The following PHEX variants were observed in gnomAD, a reference collection of about 807,000 sequenced individuals.
PHEX encodes the protein phosphate-regulating neutral endopeptidase PHEX.
A neutral mutation model predicts 68.0 loss-of-function variants in PHEX; 16 were observed. That is an observed-to-expected ratio of 0.24 (90% CI 0.16 to 0.36). PHEX has a LOEUF of 0.36. Ranked by LOEUF, PHEX falls within the 10% of genes least tolerant of loss-of-function variation. The pLI is 1.00. For synonymous variants in PHEX, 208 were observed against 205.1 expected, an observed-to-expected ratio of 1.01 and a Z score of -0.12; for missense variants, 480 against 575.5, an observed-to-expected ratio of 0.83 and a Z score of 1.70.
intron 9 of PHEX, among the ~76,000 whole-genome samples, chrX:22,109,214 G>A (rs1930845127): frequency 9.0e-6 from 1 of 111,521 alleles, no homozygotes; most frequent in Non-Finnish European, 1.9e-5. Flanking sequence ...AAGGACAATG[G>A]CAATCTGACA....
intron 20 of PHEX, among the ~76,000 whole-genome samples, chrX:22,241,675 G>C (rs5904638): frequency 0.3 from 33,555 of 111,172 alleles, 3,961 homozygotes; most frequent in African/African-American, 0.36. Context: ...AAATCTAGAA[G>C]AAATGGATAA....
chrX:22,236,851 ATAAAC>A (rs751395102), intron 20 of PHEX, among the ~76,000 whole-genome samples: 1 of 112,820 alleles, frequency 8.9e-6, no homozygotes, highest in African/African-American at 3.2e-5. Context: ...TGTAGATAAA[ATAAAC>A]TAATTGATTG....
At chrX:22,114,169 C>T (rs748839636) in intron 10 of PHEX, among the ~76,000 whole-genome samples, 8 of 109,427 alleles carry the variant, frequency 7.3e-5, no homozygotes, top group Non-Finnish European at 1.5e-4. Context: ...AGGCTGGTCT[C>T]GAGCTCCTGA....
At chrX:22,080,222 A>C (rs1163305874) in intron 5 of PHEX, among the ~76,000 whole-genome samples, 2 of 111,920 alleles carry the variant, frequency 1.8e-5, no homozygotes, top group African/African-American at 3.2e-5. Flanking sequence ...GAAACACTAA[A>C]ATGTCAATGA....
At chrX:22,196,803 C>T (rs1429260261) in intron 15 of PHEX, among the ~76,000 whole-genome samples, 2 of 111,758 alleles carry the variant, frequency 1.8e-5, no homozygotes, top group Non-Finnish European at 3.8e-5. Flanking sequence ...ATTTTTTTCC[C>T]CTCAGTTTAA....
intron 5 of PHEX, among the ~76,000 whole-genome samples, chrX:22,089,691 G>A (rs1048064676): frequency 3.6e-5 from 4 of 111,530 alleles, no homozygotes; most frequent in Non-Finnish European, 7.5e-5. Context: ...AAAGTGCTGG[G>A]ATTACAGGTG....
chrX:22,195,526 C>T (rs1431697116), intron 15 of PHEX, among the ~76,000 whole-genome samples: 2 of 108,642 alleles, frequency 1.8e-5, no homozygotes, highest in East Asian at 2.9e-4. Context: ...ACCCAAAAGG[C>T]GGAGGTTGCA....
At chrX:22,169,182 C>A (rs1933439113) in intron 13 of PHEX, among the ~76,000 whole-genome samples, 1 of 111,886 alleles carries the variant, frequency 8.9e-6, no homozygotes, top group Admixed American at 9.5e-5. Context: ...AAAACGATCC[C>A]AGCTTTGTAG....
At chrX:22,102,364 A>C (rs1779480883) in intron 9 of PHEX, among the ~76,000 whole-genome samples, 1 of 111,849 alleles carries the variant, frequency 8.9e-6, no homozygotes, top group Admixed American at 9.5e-5. Context: ...TAACATTATG[A>C]TCTCCAGTTC....
intron 12 of PHEX, among the ~76,000 whole-genome samples, chrX:22,145,593 G>A (rs1932660452): frequency 9.4e-6 from 1 of 105,878 alleles, no homozygotes; most frequent in African/African-American, 3.5e-5. Flanking sequence ...TCCAGCCTGG[G>A]TGATAGAGCA....
At chrX:22,093,820 T>C (rs1459402820) in intron 6 of PHEX, among the ~76,000 whole-genome samples, 163 bp from the exon 7 acceptor site, 1 of 112,339 alleles carries the variant, frequency 8.9e-6, no homozygotes, top group African/African-American at 3.2e-5. Context: ...CCCAAAGTGT[T>C]ATATGGGTGC....
intron 5 of PHEX, among the ~76,000 whole-genome samples, chrX:22,086,919 A>C (rs1929651634): frequency 8.9e-6 from 1 of 112,415 alleles, no homozygotes; most frequent in African/African-American, 3.2e-5. Flanking sequence ...TATTTAGATC[A>C]GTTGTAAATG....
intron 20 of PHEX, among the ~76,000 whole-genome samples, chrX:22,233,177 G>C (rs1454981718): frequency 9.0e-6 from 1 of 111,099 alleles, no homozygotes; most frequent in Non-Finnish European, 1.9e-5. Flanking sequence ...GAGATCCACT[G>C]TTTGTTAGCC....
intron 3 of PHEX, among the ~76,000 whole-genome samples, chrX:22,067,455 A>G (rs1928660124): frequency 9.0e-6 from 1 of 111,591 alleles, no homozygotes; most frequent in South Asian, 3.8e-4. Flanking sequence ...CTATGCAAGG[A>G]GGGTGTTTCC....
In PHEX at chrX:22,163,822, TAA is replaced by T. The variant is rs1393876376; in HGVS notation, c.1405-4486_1405-4485del. Among the ~76,000 whole-genome samples, 21 of 111,978 alleles carry T rather than the reference TAA, an allele frequency of 1.9e-4. No homozygotes were observed. The Admixed American group carries it at 2.0e-3, about 11-fold the overall frequency. On this transcript the variant is annotated intron_variant, in intron 12 of 21. Transcript: ENST00000379374. ...CTTCACTTCTCCCATTTTGAAAAAT[TAA>T]AAAGTGATGTGATTACTATTTGCCT...
rs967244155 is a variant in PHEX at position 22,097,776 on chromosome X, G to GT, written c.933+747dup. 1,728 of 641,658 alleles carry GT rather than the reference G, an allele frequency of 2.7e-3. 1 individual carries two copies. Among genetic ancestry groups the GT allele is most frequent in the Middle Eastern group, 6.5e-3 (7 of 1,069 alleles). The allele number at this position is 641,658 out of a possible 1,213,427, so 52.9% of individuals were successfully genotyped here. The stretch of plus-strand genomic sequence containing the variant: ...CATGTTACTTTCTGTGTTTTTATTT[G>GT]TTTTTTTTTGAGACACAGTCTTGCT... On this transcript the variant is annotated intron_variant, in intron 8 of 21. Coordinates refer to ENST00000379374, the MANE Select transcript of PHEX (RefSeq NM_000444.6).
Position 22,209,406 on chromosome X carries a change from C to T in PHEX, c.1646-3498C>T, listed in dbSNP as rs770502639. Among the ~76,000 whole-genome samples, 21 of 110,759 alleles carry T rather than the reference C, an allele frequency of 1.9e-4. No individual in the cohort carries two copies. The East Asian group carries it at 2.0e-3, about 10-fold the overall frequency. ...GTATGTATGGATGCTTATTCTTTTG[C>T]GTACATTACACAAAATAACTCCATA... On this transcript the variant is annotated intron_variant, in intron 15 of 21. Transcript: ENST00000379374.
At chrX:22,189,211 G>A (rs999675580) in intron 14 of PHEX, among the ~76,000 whole-genome samples, 3 of 112,212 alleles carry the variant, frequency 2.7e-5, no homozygotes, top group African/African-American at 9.7e-5. Context: ...CCAAATCTTG[G>A]CTATTGTGAA....
chrX:22,106,629 C>T (rs187700750), intron 9 of PHEX, among the ~76,000 whole-genome samples: 2 of 110,557 alleles, frequency 1.8e-5, no homozygotes, highest in East Asian at 5.7e-4. Context: ...AAAAAATGTG[C>T]TGAGCACAGT....
Sources: gnomAD v4.1 joint callset for allele counts (sites outside exome capture counted in the v4.1 genomes callset) on GRCh38, gnomAD v4.1.1 for gene constraint, MANE v1.5 for transcripts, NCBI Gene and HGNC (gene_info 2026-07-23, HGNC 2026-07-21) for gene names.